ASPH: variants seen among roughly 807,000 people sequenced by gnomAD.
ASPH encodes aspartyl/asparaginyl beta-hydroxylase.
Under a neutral mutation model 118.4 loss-of-function variants are expected in ASPH, and 100 were observed. The observed-to-expected ratio is 0.84, with a 90% CI of 0.72 to 1.00. ASPH has a LOEUF of 1.00. ASPH is among the 50% of genes least tolerant of loss of function. The pLI, the probability that ASPH is intolerant of heterozygous loss-of-function variation, is 0.00. For synonymous variants in ASPH, 315 were observed against 325.6 expected (o/e 0.97, Z 0.35); for missense variants, 920 against 919.5 (o/e 1.00, Z -0.01).
rs779702306 is a variant in ASPH at position 61,583,990 on chromosome 8, T to C, written c.1016A>G (p.Lys339Arg). ...AGCATCAAGTTCAGCTTTAATAGTC[T>C]TATCAAATTTATTTAAAAGTTTAGG... The part of the protein sequence containing the change: ...KKPKLLNKFD[K>R]TIKAELDAAE... The change falls in exon 15 of 25, where the codon AAG becomes AGG. Residue 339 changes from lysine to arginine, a missense_variant. Physicochemically the swap from Lys to Arg is conservative, Grantham distance 26 (BLOSUM62 2). Coordinates refer to ENST00000379454, the MANE Select transcript of ASPH (RefSeq NM_004318.4). 1.3e-6 allele frequency: 2 copies of C among 1,578,744 alleles called. No homozygotes were observed. The highest frequency in any genetic ancestry group is 1.2e-5 in the South Asian group (1 of 85,022).
intron 14 of ASPH, among the ~76,000 whole-genome samples, chr8:61,616,520 A>T (rs975881975): frequency 6.6e-6 from 1 of 152,208 alleles, no homozygotes; most frequent in Non-Finnish European, 1.5e-5. Context: ...TAAATGAGAA[A>T]GGGCTCTGTT....
At position 61,556,007 on chromosome 8, in the gene ASPH, G is replaced by A. The variant is rs1827738811; in HGVS notation, c.1453C>T (p.Pro485Ser). 6.2e-7 allele frequency: 1 copy of A among 1,613,724 alleles called. No individual in the cohort carries two copies. The highest frequency in any genetic ancestry group is 1.1e-5 in the South Asian group (1 of 90,980). ...KVYEEVLSVT[P>S]NDGFAKVHYG... Reference sequence around the variant, plus strand: ...TGGACTTTAGCAAAGCCATCATTAGGTGTCACACTCAGCACCTAAACTCAA... The same window carrying A: ...TGGACTTTAGCAAAGCCATCATTAGATGTCACACTCAGCACCTAAACTCAA... Residue 485 changes from proline (P) to serine (S), a missense_variant, in exon 19 of 25, where the codon CCT becomes TCT. Coordinates refer to ENST00000379454, the MANE Select transcript of ASPH (RefSeq NM_004318.4).
intron 14 of ASPH, among the ~76,000 whole-genome samples, chr8:61,608,303 C>T (rs1447112047): frequency 1.3e-5 from 2 of 152,066 alleles, no homozygotes; most frequent in African/African-American, 2.4e-5. Flanking sequence ...GAGAGTCTGC[C>T]GATGAGATAG....
intron 11 of ASPH, 67 bp from the exon 12 acceptor site, chr8:61,638,070 C>G (rs909276210): frequency 6.9e-7 from 1 of 1,448,980 alleles, no homozygotes; most frequent in South Asian, 1.3e-5. Context: ...TACATTCACT[C>G]GCCTTCATTC....
chr8:61,652,879 C>T (rs1468257319), intron 4 of ASPH, among the ~76,000 whole-genome samples: 1 of 152,146 alleles, frequency 6.6e-6, no homozygotes, highest in Non-Finnish European at 1.5e-5. Context: ...CCTCAGCACA[C>T]AGTGAAAAAA....
chr8:61,685,393 A>G (rs1830056654), intron 1 of ASPH, among the ~76,000 whole-genome samples: 1 of 152,160 alleles, frequency 6.6e-6, no homozygotes, highest in African/African-American at 2.4e-5. Flanking sequence ...ACATGAAATG[A>G]TTCTCCCAAA....
chr8:61,603,191 CAAAAAAAAA>C lies in ASPH; in HGVS notation c.976+15778_976+15786del, dbSNP rs11336705. ...CTGGGTGACAGAGTGAGACTTGTCT[CAAAAAAAAA>C]AAAAAAAAAAAAAAAAAAGAGAAAA... On this transcript the variant is annotated intron_variant, in intron 14 of 24. Coordinates refer to ENST00000379454, the MANE Select transcript of ASPH (RefSeq NM_004318.4). 1.6e-4 allele frequency among the ~76,000 whole-genome samples: 10 copies of C among 61,370 alleles called. 1 individual carries two copies. Among genetic ancestry groups the C allele is most frequent in the Middle Eastern group, 0.014 (1 of 72 alleles). 40.3% of individuals were successfully genotyped at this position (61,370 alleles called of 152,430 possible). A position where few individuals can be genotyped will look rare whatever the true frequency, so the allele number is the denominator to read the frequency against.
At chr8:61,650,446 T>A (rs1053125205) in intron 5 of ASPH, among the ~76,000 whole-genome samples, 1 of 152,208 alleles carries the variant, frequency 6.6e-6, no homozygotes, top group African/African-American at 2.4e-5. Flanking sequence ...AGATACGTTT[T>A]GGGATCACGA....
At chr8:61,620,310 A>C (rs1285492339) in intron 13 of ASPH, among the ~76,000 whole-genome samples, 1 of 152,168 alleles carries the variant, frequency 6.6e-6, no homozygotes, top group Non-Finnish European at 1.5e-5. Context: ...AGAGTCCCCA[A>C]AGCTATCAAG....
intron 24 of ASPH, among the ~76,000 whole-genome samples, chr8:61,515,737 G>A (rs1434151724): frequency 6.6e-6 from 1 of 152,010 alleles, no homozygotes; most frequent in African/African-American, 2.4e-5. Flanking sequence ...AATTCCCAAG[G>A]TTTGCTCAAG....
chr8:61,600,306 C>G (rs1396780209), intron 14 of ASPH, among the ~76,000 whole-genome samples: 8 of 147,416 alleles, frequency 5.4e-5, no homozygotes, highest in African/African-American at 2.2e-4. Context: ...AGCCTTTCCT[C>G]TAAGAACTGA....
intron 24 of ASPH, among the ~76,000 whole-genome samples, chr8:61,507,435 A>C (rs1208087205): frequency 6.6e-6 from 1 of 152,248 alleles, no homozygotes; most frequent in African/African-American, 2.4e-5. Flanking sequence ...CCCAGAAAAT[A>C]GCAAAGATAG....
intron 2 of ASPH, among the ~76,000 whole-genome samples, chr8:61,681,553 T>C (rs10111006): frequency 0.47 from 71,530 of 151,494 alleles, 17,209 homozygotes; most frequent in Middle Eastern, 0.52. Flanking sequence ...TAATTTTATA[T>C]TTTACAATGA....
rs549970977 is a variant in ASPH at position 61,567,221 on chromosome 8, G to T, written c.1247C>A (p.Ala416Glu). 6.2e-7 allele frequency: 1 copy of T among 1,614,076 alleles called. No homozygotes were observed. Among genetic ancestry groups the T allele is most frequent in the South Asian group, 1.1e-5 (1 of 91,064 alleles). Residue 416 changes from alanine (A) to glutamate (E), a missense_variant, in exon 17 of 25, where the codon GCA (alanine) becomes GAA (glutamate). Ala to Glu is a moderately radical substitution (Grantham distance 107). Transcript: ENST00000379454. ...QEVASLPDVPADLLKLSLKRR... is the reference protein window; with the variant it reads ...QEVASLPDVPEDLLKLSLKRR... ...CTTCAAACTCAGCTTCAGCAGGTCT[G>T]CAGGGACATCAGGTAGGCTGGCCAC...
Position 61,513,360 on chromosome 8 carries a change from T to C in ASPH, c.2126+4168A>G, listed in dbSNP as rs73685074. On this transcript the variant is annotated intron_variant, in intron 24 of 24. Coordinates refer to ENST00000379454, the MANE Select transcript of ASPH (RefSeq NM_004318.4). Reference sequence around the variant, plus strand: ...TTTCTAGCTCTTTTCACTGGAAGCATTGCACAGCACTTTAATTGACCCATT... The same window carrying C: ...TTTCTAGCTCTTTTCACTGGAAGCACTGCACAGCACTTTAATTGACCCATT... Among the ~76,000 whole-genome samples the C allele has an allele frequency of 7.2e-3, 1,091 of 152,354 alleles. 9 individuals carry two copies. The highest frequency in any genetic ancestry group is 0.025 in the African/African-American group (1,043 of 41,582).
chr8:61,609,472 G>A (rs1846637552), intron 14 of ASPH, among the ~76,000 whole-genome samples: 1 of 152,118 alleles, frequency 6.6e-6, no homozygotes, highest in African/African-American at 2.4e-5. Flanking sequence ...AGGACTGTGG[G>A]GTGGATCCCA....
intron 16 of ASPH, among the ~76,000 whole-genome samples, chr8:61,575,474 T>C (rs1417338401): frequency 6.6e-6 from 1 of 152,170 alleles, no homozygotes; most frequent in East Asian, 1.9e-4. Context: ...TGGACTTACT[T>C]GTCTTATGCA....
intron 3 of ASPH, among the ~76,000 whole-genome samples, chr8:61,672,913 C>G (rs1040128011): frequency 1.2e-4 from 18 of 151,970 alleles, no homozygotes; most frequent in Non-Finnish European, 1.9e-4. Flanking sequence ...AGGAGCTAGC[C>G]CAGCGGATTA....
chr8:61,682,187 T>G (rs1011125275), intron 2 of ASPH, among the ~76,000 whole-genome samples: 1 of 151,960 alleles, frequency 6.6e-6, no homozygotes, highest in Non-Finnish European at 1.5e-5. Context: ...TTTAAAATGA[T>G]TATGATGAAA....
Sources: allele counts gnomAD v4.1 joint callset (sites outside exome capture counted in the v4.1 genomes callset), GRCh38; gene constraint gnomAD v4.1.1; transcripts MANE v1.5; gene names NCBI Gene and HGNC (gene_info 2026-07-23, HGNC 2026-07-21).